DAAM2: variants seen among roughly 807,000 people sequenced by gnomAD.
DAAM2 encodes dishevelled associated activator of morphogenesis 2, also known as disheveled-associated activator of morphogenesis 2.
DAAM2 carries 39 observed loss-of-function variants against 120.7 expected under a neutral mutation model. The ratio of observed to expected loss-of-function variants is 0.32; its 90% CI spans 0.25 to 0.42. DAAM2 has a LOEUF of 0.42. DAAM2 is among the 10% of genes least tolerant of loss of function. The pLI is 1.00. For synonymous variants in DAAM2, 488 were observed against 524.9 expected (o/e 0.93, Z 0.96); for missense variants, 1,283 against 1,401.7 (o/e 0.92, Z 1.35).
In DAAM2 at chr6:39,856,431, G is replaced by A. The variant is rs370984960; in HGVS notation, c.129G>A (p.Pro43=). 276 of 1,495,478 alleles carry A rather than the reference G, an allele frequency of 1.8e-4. No individual in the cohort carries two copies. The African/African-American group carries it at 3.6e-3, about 20-fold the overall frequency. 92.6% of individuals were successfully genotyped at this position (1,495,478 alleles called of 1,614,324 possible). The part of the protein sequence containing the change: ...LQFMEFSSPI[P]NAEELNIRFA... ...TCATGGAGTTCTCCAGCCCCATCCCGAACGCAGAGGAGCTCAACATCCGCT... is the reference window on the plus strand; with the variant it reads ...TCATGGAGTTCTCCAGCCCCATCCCAAACGCAGAGGAGCTCAACATCCGCT... The change falls in exon 2 of 25, where the codon CCG becomes CCA. Residue 43 remains proline (P), a synonymous_variant. Coordinates refer to ENST00000274867, the MANE Select transcript of DAAM2 (RefSeq NM_001201427.2).
intron 11 of DAAM2, among the ~76,000 whole-genome samples, chr6:39,876,279 G>A (rs559099552): frequency 6.6e-6 from 1 of 152,224 alleles, no homozygotes; most frequent in African/African-American, 2.4e-5. Flanking sequence ...TGCCCTTAAG[G>A]AGATAAATTG....
chr6:39,859,487 G>A (rs1764128331), intron 2 of DAAM2, among the ~76,000 whole-genome samples: 1 of 152,134 alleles, frequency 6.6e-6, no homozygotes, highest in Admixed American at 6.5e-5. Flanking sequence ...AGAGGCAGGT[G>A]AACTGATGGG....
At position 39,887,567 on chromosome 6, in the gene DAAM2, C is replaced by A; in HGVS notation, c.2035C>A (p.Gln679Lys). 1 of 1,613,380 alleles carries A rather than the reference C, an allele frequency of 6.2e-7. No homozygotes were observed. The highest frequency in any genetic ancestry group is 1.1e-5 in the South Asian group (1 of 90,968). Residue 679 changes from glutamine to lysine, a missense_variant, in exon 16 of 25, where the codon CAA becomes AAA. Physicochemically the swap from Gln to Lys is moderately conservative, Grantham distance 53. Coordinates refer to ENST00000274867, the MANE Select transcript of DAAM2 (RefSeq NM_001201427.2). ...GTCGGTCATTGATGGCCGGAGGGCC[C>A]AAAACTGCATCATCCTTCTTTCCAA... ...ELSVIDGRRA[Q>K]NCIILLSKLK...
At chr6:39,889,264 A>G (rs1430213974) in intron 17 of DAAM2, among the ~76,000 whole-genome samples, 3 of 152,248 alleles carry the variant, frequency 2.0e-5, no homozygotes, top group Admixed American at 6.5e-5. Flanking sequence ...TGAGCAGAAG[A>G]CTTGAAGGGG....
Position 39,901,810 on chromosome 6 carries a change from C to T in DAAM2, c.2983-3C>T, listed in dbSNP as rs772633927. The T allele has an allele frequency of 3.3e-6, 5 of 1,525,970 alleles. No individual in the cohort carries two copies. The East Asian group carries it at 6.8e-5, about 21-fold the overall frequency. The allele number at this position is 1,525,970 out of a possible 1,614,324, so 94.5% of individuals were successfully genotyped here. On this transcript the variant is annotated splice_polypyrimidine_tract_variant and splice_region_variant and intron_variant, in intron 24 of 24. Coordinates refer to ENST00000274867, the MANE Select transcript of DAAM2 (RefSeq NM_001201427.2). The surrounding 1 kb of genome is among the most constrained non-coding windows in gnomAD (Gnocchi z 4.5). The stretch of plus-strand genomic sequence containing the variant: ...GTTCCTATCTTTGGCCCCCCGCCCG[C>T]AGCTGAAGGAGCAGAGGGAACGTGA...
chr6:39,866,314 T>G (rs1003216980), intron 5 of DAAM2, among the ~76,000 whole-genome samples: 2 of 152,224 alleles, frequency 1.3e-5, no homozygotes, highest in Non-Finnish European at 2.9e-5. Flanking sequence ...AGTTACATAT[T>G]GTCATTGTGG....
At chr6:39,864,366 A>G in intron 3 of DAAM2, 67 bp from the exon 4 acceptor site, 1 of 1,242,406 alleles carries the variant, frequency 8.0e-7, no homozygotes, top group Non-Finnish European at 1.2e-6. Flanking sequence ...CACGGAATGA[A>G]GCTCAGGATC....
At chr6:39,800,573 C>T (rs546435414) in intron 1 of DAAM2, among the ~76,000 whole-genome samples, 59 of 152,268 alleles carry the variant, frequency 3.9e-4, no homozygotes, top group African/African-American at 1.1e-3. Context: ...CTCTCTGACC[C>T]CTTTGAGGAC....
chr6:39,887,741 T>G lies in DAAM2; in HGVS notation c.2060+149T>G, dbSNP rs1582742913. ...GGAACTGTCTCTCGGGAACCTGCCT[T>G]GAGCAGCAGTTTGGGGCTCTGCAGG... On this transcript the variant is annotated intron_variant, in intron 16 of 24. Transcript: ENST00000274867. The G allele has an allele frequency of 1.2e-5, 7 of 597,488 alleles. No individual in the cohort carries two copies. In the East Asian group the frequency reaches 2.1e-4, roughly 18 times the overall value. 37.0% of individuals were successfully genotyped at this position (597,488 alleles called of 1,614,324 possible). A position where few individuals can be genotyped will look rare whatever the true frequency, so the allele number is the denominator to read the frequency against.
At chr6:39,869,839 C>T (rs1764587070) in intron 7 of DAAM2, among the ~76,000 whole-genome samples, 1 of 150,500 alleles carries the variant, frequency 6.6e-6, no homozygotes, top group Admixed American at 6.6e-5. Flanking sequence ...AATAATCTGC[C>T]CCTAAGATGC....
chr6:39,860,264 G>T (rs1449565516), intron 2 of DAAM2, among the ~76,000 whole-genome samples: 1 of 152,224 alleles, frequency 6.6e-6, no homozygotes, highest in Non-Finnish European at 1.5e-5. Context: ...TTCTCTTGCT[G>T]GTCCTGCAGT....
chr6:39,802,091 C>G (rs1411444435), intron 1 of DAAM2, among the ~76,000 whole-genome samples: 1 of 152,220 alleles, frequency 6.6e-6, no homozygotes, highest in Non-Finnish European at 1.5e-5. Flanking sequence ...GGAAGCATTG[C>G]ACTAGCAGCT....
intron 19 of DAAM2, among the ~76,000 whole-genome samples, chr6:39,895,734 C>T (rs1766040408): frequency 6.6e-6 from 1 of 152,162 alleles, no homozygotes; most frequent in Non-Finnish European, 1.5e-5. Flanking sequence ...TTGTGTCCCC[C>T]TTCTGCACAC....
intron 1 of DAAM2, among the ~76,000 whole-genome samples, chr6:39,853,729 G>T (rs1174907393): frequency 6.6e-6 from 1 of 152,154 alleles, no homozygotes; most frequent in Non-Finnish European, 1.5e-5. Context: ...GGTTCTCCTT[G>T]TCCCTCCCTC....
intron 7 of DAAM2, 101 bp downstream of exon 7, chr6:39,869,034 A>G (rs1209699669): frequency 2.2e-6 from 2 of 899,508 alleles, no homozygotes; most frequent in Non-Finnish European, 3.6e-6. Flanking sequence ...TTGCTATTAA[A>G]CCTGGGAGGG....
At chr6:39,887,260 G>C (rs1208408918) in intron 15 of DAAM2, 1 of 473,400 alleles carries the variant, frequency 2.1e-6, no homozygotes, top group Non-Finnish European at 3.8e-6. Context: ...AGGAAGGGGG[G>C]CTTCTCGGTG....
chr6:39,870,430 G>A lies in DAAM2; in HGVS notation c.964G>A (p.Ala322Thr). The change falls in exon 8 of 25, where the codon GCC (alanine) becomes ACC (threonine). Residue 322 changes from alanine to threonine, a missense_variant. By Grantham distance (58) the Ala-to-Thr change is moderately conservative (BLOSUM62 0). Transcript: ENST00000274867. ...VIDKLRQHENAILDKHLDFFE... is the reference protein window; with the variant it reads ...VIDKLRQHENTILDKHLDFFE... ...TGACAAGCTCCGGCAACATGAAAATGCCATCCTGGACAAGTAAGTTCCAAG... is the reference window on the plus strand; with the variant it reads ...TGACAAGCTCCGGCAACATGAAAATACCATCCTGGACAAGTAAGTTCCAAG... 6.3e-7 allele frequency: 1 copy of A among 1,574,978 alleles called. No individual in the cohort carries two copies. Among genetic ancestry groups the A allele is most frequent in the Non-Finnish European group, 8.6e-7 (1 of 1,158,062 alleles).
chr6:39,883,919 A>G (rs1482343278), intron 14 of DAAM2, 43 bp from the exon 15 acceptor site: 1 of 1,332,570 alleles, frequency 7.5e-7, no homozygotes, highest in African/African-American at 1.4e-5. Flanking sequence ...TTCATGATGG[A>G]GTTGGGCCAA....
chr6:39,900,055 G>T (rs974317089), intron 22 of DAAM2, 22 bp from the exon 23 acceptor site: 1 of 1,596,352 alleles, frequency 6.3e-7, no homozygotes, highest in Non-Finnish European at 8.5e-7. Context: ...AGTCTAAGCA[G>T]CACTTCACCC....
Sources: gnomAD v4.1 joint callset for allele counts (sites outside exome capture counted in the v4.1 genomes callset) on GRCh38, gnomAD v4.1.1 for gene constraint, Gnocchi (gnomAD v3.1) non-coding constraint, MANE v1.5 for transcripts, NCBI Gene and HGNC (gene_info 2026-07-23, HGNC 2026-07-21) for gene names.